MAP3K20: variants seen among roughly 807,000 people sequenced by gnomAD.
MAP3K20 encodes the protein mitogen-activated protein kinase kinase kinase 20.
A neutral mutation model predicts 85.7 loss-of-function variants in MAP3K20; 40 were observed. The observed-to-expected ratio is 0.47, with a 90% CI of 0.36 to 0.61. MAP3K20 has a LOEUF of 0.61. Among genes scored for constraint, MAP3K20 ranks in the 20% least tolerant of loss-of-function variants. The pLI is 0.00. For missense variants in MAP3K20, 817 were observed against 961.7 expected (o/e 0.85, Z 1.99); for synonymous variants, 325 against 327.7 (o/e 0.99, Z 0.09).
chr2:173,180,130 G>GGT, intron 3 of MAP3K20, among the ~76,000 whole-genome samples: 1 of 152,084 alleles, frequency 6.6e-6, no homozygotes, highest in East Asian at 1.9e-4. Flanking sequence ...AAATTTACGT[G>GGT]GTAATGCAAA....
chr2:173,086,774 C>G (rs936850281), intron 1 of MAP3K20, among the ~76,000 whole-genome samples: 2 of 152,208 alleles, frequency 1.3e-5, no homozygotes, highest in African/African-American at 4.8e-5. Context: ...TGGGCTTGTT[C>G]TGCAGCATAA....
intron 2 of MAP3K20, among the ~76,000 whole-genome samples, chr2:173,134,393 CATAT>C (rs1162728873): frequency 2.6e-3 from 32 of 12,332 alleles, no homozygotes; most frequent in South Asian, 6.3e-3. Flanking sequence ...TGTCTCTATA[CATAT>C]ATATATATAT....
intron 5 of MAP3K20, among the ~76,000 whole-genome samples, chr2:173,187,830 GC>G (rs1690534217): frequency 6.6e-6 from 1 of 152,032 alleles, no homozygotes; most frequent in South Asian, 2.1e-4. Context: ...TATAAATATA[GC>G]CCAGAATGTG....
chr2:173,262,421 A>G (rs1685318576), intron 18 of MAP3K20, among the ~76,000 whole-genome samples: 2 of 152,092 alleles, frequency 1.3e-5, no homozygotes, highest in Non-Finnish European at 2.9e-5. Context: ...CCAACATGGT[A>G]AAACGTCATC....
intron 10 of MAP3K20, 59 bp downstream of exon 10, chr2:173,209,894 A>C: frequency 8.7e-6 from 12 of 1,386,002 alleles, no homozygotes; most frequent in African/African-American, 1.4e-5. Flanking sequence ...CACTCGTCTC[A>C]ATGAAGAAGT....
At chr2:173,082,700 C>T (rs1687044540) in intron 1 of MAP3K20, among the ~76,000 whole-genome samples, 1 of 152,374 alleles carries the variant, frequency 6.6e-6, no homozygotes, top group South Asian at 2.1e-4. Flanking sequence ...AATCTCCCCT[C>T]TCCGTGCACC....
intron 18 of MAP3K20, among the ~76,000 whole-genome samples, chr2:173,263,157 A>C (rs1156747946): frequency 6.6e-6 from 1 of 152,154 alleles, no homozygotes; most frequent in Admixed American, 6.5e-5. Context: ...ATGTGTCTTG[A>C]CCTAGTGTCC....
intron 11 of MAP3K20, chr2:173,225,058 A>G (rs1684346588): frequency 1.1e-5 from 11 of 985,266 alleles, no homozygotes; most frequent in Non-Finnish European, 1.3e-5. Flanking sequence ...TATCAGAGAC[A>G]TGCAACTGAA....
rs1479313881 is a variant in MAP3K20 at position 173,075,909 on chromosome 2, C to G, written c.-128C>G. The G allele has an allele frequency of 2.0e-6, 2 of 984,236 alleles. No homozygotes were observed. The highest frequency in any genetic ancestry group is 3.5e-5 in the African/African-American group (2 of 57,184). The allele number at this position is 984,236 out of a possible 1,614,324, so 61.0% of individuals were successfully genotyped here. On this transcript the variant is annotated 5_prime_UTR_variant, in exon 1 of 20. Coordinates refer to ENST00000375213, the MANE Select transcript of MAP3K20 (RefSeq NM_016653.3). ...CTAACTGCAGCGGAAACGTGGGAGC[C>G]GCGCGGGCCGCTGTCGTCCCAACCC...
rs892915777 is a variant in MAP3K20 at position 173,227,112 on chromosome 2, A to G, written c.988-2577A>G. On this transcript the variant is annotated intron_variant, in intron 11 of 19. Transcript: ENST00000375213. ...CTTTTCTTTGCTTTCCTTTGTTCTAAGACTCCATTTTGCAATAAACGTTTT... is the reference window on the plus strand; with the variant it reads ...CTTTTCTTTGCTTTCCTTTGTTCTAGGACTCCATTTTGCAATAAACGTTTT... 3.0e-6 allele frequency: 3 copies of G among 985,718 alleles called. No homozygotes were observed. In the Admixed American group the frequency reaches 1.8e-4, roughly 61 times the overall value. 61.1% of individuals were successfully genotyped at this position (985,718 alleles called of 1,614,324 possible). A position where few individuals can be genotyped will look rare whatever the true frequency, so the allele number is the denominator to read the frequency against.
chr2:173,102,419 T>G (rs983246427), intron 2 of MAP3K20, among the ~76,000 whole-genome samples: 21 of 152,232 alleles, frequency 1.4e-4, no homozygotes, highest in African/African-American at 5.1e-4. Flanking sequence ...TTATCTGGTT[T>G]GTTTTTGAAC....
chr2:173,186,082 A>G (rs966467289), intron 4 of MAP3K20, among the ~76,000 whole-genome samples: 4 of 152,216 alleles, frequency 2.6e-5, no homozygotes, highest in Non-Finnish European at 5.9e-5. Context: ...TATACTATGC[A>G]TCGTACACTA....
intron 7 of MAP3K20, among the ~76,000 whole-genome samples, chr2:173,195,188 T>TTA (rs747019434): frequency 1.6e-5 from 2 of 122,810 alleles, no homozygotes; most frequent in African/African-American, 6.0e-5. Context: ...AGCCTCTCTT[T>TTA]AAAAAAAAAA....
chr2:173,202,233 A>T (rs578182818), intron 8 of MAP3K20, among the ~76,000 whole-genome samples: 5 of 152,336 alleles, frequency 3.3e-5, no homozygotes, highest in African/African-American at 1.2e-4. Context: ...CTGTGAAATC[A>T]CAAGACTAGA....
rs749857099 is a variant in MAP3K20, at chr2:173,217,101, C to G, written c.852-14C>G. ...TAAGTAAAGTTGAGACTTACACCAG[C>G]TATCCCCGTGCAGGTGCGAAATTGA... On this transcript the variant is annotated splice_polypyrimidine_tract_variant and intron_variant, in intron 10 of 19. Coordinates refer to ENST00000375213, the MANE Select transcript of MAP3K20 (RefSeq NM_016653.3). 10 of 1,519,318 alleles carry G rather than the reference C, an allele frequency of 6.6e-6. No homozygotes were observed. Among genetic ancestry groups the G allele is most frequent in the Non-Finnish European group, 8.0e-6 (9 of 1,131,058 alleles). The allele number at this position is 1,519,318 out of a possible 1,614,324, so 94.1% of individuals were successfully genotyped here.
chr2:173,155,025 G>T (rs1224565593), intron 2 of MAP3K20, among the ~76,000 whole-genome samples: 5 of 152,034 alleles, frequency 3.3e-5, no homozygotes, highest in Admixed American at 6.6e-5. Context: ...TTGGAGAGAT[G>T]AAAAACATTT....
At chr2:173,202,886 G>A (rs1468148136) in intron 8 of MAP3K20, among the ~76,000 whole-genome samples, 1 of 152,194 alleles carries the variant, frequency 6.6e-6, no homozygotes, top group Non-Finnish European at 1.5e-5. Flanking sequence ...GATGCATTCT[G>A]CAGAGTTCAG....
intron 2 of MAP3K20, among the ~76,000 whole-genome samples, chr2:173,098,291 A>G (rs1218901084): frequency 6.6e-6 from 1 of 152,216 alleles, no homozygotes; most frequent in Non-Finnish European, 1.5e-5. Context: ...CAGAGCTAAC[A>G]TTTTAATTTG....
intron 10 of MAP3K20, among the ~76,000 whole-genome samples, chr2:173,216,406 G>A (rs982336643): frequency 2.6e-5 from 4 of 152,086 alleles, no homozygotes; most frequent in African/African-American, 7.2e-5. Flanking sequence ...AATTACTCGG[G>A]TCTTTTATAA....
Sources: gnomAD v4.1 joint callset for allele counts (sites outside exome capture counted in the v4.1 genomes callset) on GRCh38, gnomAD v4.1.1 for gene constraint, MANE v1.5 for transcripts, NCBI Gene and HGNC (gene_info 2026-07-23, HGNC 2026-07-21) for gene names.